PLEKHA1: variants seen among roughly 807,000 people sequenced by gnomAD.
The protein encoded by PLEKHA1 is pleckstrin homology domain-containing family A member 1.
PLEKHA1 carries 34 observed loss-of-function variants against 52.0 expected under a neutral mutation model. That is an observed-to-expected ratio of 0.65 (90% CI 0.50 to 0.87). The LOEUF (loss-of-function observed/expected upper bound fraction) is 0.87. Ranked by LOEUF, PLEKHA1 falls within the 40% of genes least tolerant of loss-of-function variation. The pLI is 0.00. For synonymous variants in PLEKHA1, 163 were observed against 170.7 expected, an observed-to-expected ratio of 0.95 and a Z score of 0.35; for missense variants, 497 against 504.2, an observed-to-expected ratio of 0.99 and a Z score of 0.14.
chr10:122,391,985 G>A (rs1229699853), intron 1 of PLEKHA1, among the ~76,000 whole-genome samples: 9 of 152,070 alleles, frequency 5.9e-5, no homozygotes, highest in African/African-American at 2.2e-4. Context: ...TAAATAAATA[G>A]TTATGTAAAT....
chr10:122,440,835 T>A, the PLEKHA1 span: 1 of 152,220 alleles, frequency 6.6e-6, no homozygotes, highest in Non-Finnish European at 1.5e-5. Flanking sequence ...AAACGAATTC[T>A]AGTAGTAATG....
At chr10:122,400,307 G>C (rs968420602) in intron 3 of PLEKHA1, 36 bp from the exon 4 acceptor site, 3 of 1,573,518 alleles carry the variant, frequency 1.9e-6, no homozygotes, top group Non-Finnish European at 1.7e-6. Context: ...GGATTATATG[G>C]AGAAGTGAGG....
Position 122,417,978 on chromosome 10 carries a change from T to TA in PLEKHA1, c.681+11dup, listed in dbSNP as rs1197100218. ...CTTCAAATCTGAACTGGTATGTTGT[T>TA]ACGTCATAAATGTTGCTATAAGAAT... On this transcript the variant is annotated intron_variant, in intron 8 of 11. Coordinates refer to ENST00000368990, the MANE Select transcript of PLEKHA1 (RefSeq NM_001001974.4). The TA allele has an allele frequency of 1.3e-6, 2 of 1,594,542 alleles. No homozygotes were observed. Among genetic ancestry groups the TA allele is most frequent in the African/African-American group, 1.3e-5 (1 of 74,488 alleles).
chr10:122,384,633 TGTA>T (rs2096663140), intron 1 of PLEKHA1, among the ~76,000 whole-genome samples: 2 of 149,146 alleles, frequency 1.3e-5, no homozygotes, highest in African/African-American at 5.0e-5. Flanking sequence ...AAAAATGACT[TGTA>T]GTCATTTATA....
intron 4 of PLEKHA1, among the ~76,000 whole-genome samples, chr10:122,401,649 T>C (rs1323382383): frequency 6.6e-6 from 1 of 152,128 alleles, no homozygotes; most frequent in Non-Finnish European, 1.5e-5. Context: ...AATCGAGGAC[T>C]GGATGGAGCT....
intron 4 of PLEKHA1, among the ~76,000 whole-genome samples, chr10:122,401,683 C>T (rs1020970228): frequency 2.6e-5 from 4 of 152,070 alleles, no homozygotes; most frequent in African/African-American, 4.8e-5. Context: ...TGGAGAAATT[C>T]GGAGTCTGTT....
At chr10:122,391,410 A>T (rs966191572) in intron 1 of PLEKHA1, among the ~76,000 whole-genome samples, 43 of 152,158 alleles carry the variant, frequency 2.8e-4, no homozygotes, top group African/African-American at 1.0e-3. Context: ...TTTAGCTCTT[A>T]AATTGTTAAT....
At chr10:122,389,785 G>A (rs553363510) in intron 1 of PLEKHA1, among the ~76,000 whole-genome samples, 2 of 152,172 alleles carry the variant, frequency 1.3e-5, no homozygotes, top group South Asian at 2.1e-4. Context: ...CATTTTTAGA[G>A]TACAGGCAGA....
At chr10:122,418,199 A>T (rs919336761) in intron 8 of PLEKHA1, 3 of 403,894 alleles carry the variant, frequency 7.4e-6, no homozygotes, top group Non-Finnish European at 1.3e-5. Context: ...AAAGATCTGA[A>T]GATCTCAGAA....
At chr10:122,425,006 A>T in intron 10 of PLEKHA1, 47 bp downstream of exon 10, 1 of 1,502,230 alleles carries the variant, frequency 6.7e-7, no homozygotes, top group African/African-American at 1.4e-5. Flanking sequence ...AAAAGAAATT[A>T]ATAATATTAG....
At position 122,429,614 on chromosome 10, in the gene PLEKHA1, C is replaced by G. The variant is rs1194334802; in HGVS notation, c.901-10C>G. 6.2e-6 allele frequency: 10 copies of G among 1,611,106 alleles called. No individual in the cohort carries two copies. In the East Asian group the frequency reaches 1.8e-4, roughly 29 times the overall value. ...GACTGACCGTGTCTGACTGCCACTCCTTTTTGCAGGAGCATCCCCCCGGTC... is the reference window on the plus strand; with the variant it reads ...GACTGACCGTGTCTGACTGCCACTCGTTTTTGCAGGAGCATCCCCCCGGTC... On this transcript the variant is annotated splice_polypyrimidine_tract_variant and intron_variant, in intron 11 of 11. Coordinates refer to ENST00000368990, the MANE Select transcript of PLEKHA1 (RefSeq NM_001001974.4).
rs1023019536 is a variant in PLEKHA1 at position 122,393,286 on chromosome 10, A to G, written c.86A>G (p.Tyr29Cys). ...NENSGKFLRR[Y>C]FILDTREDSF... Reference sequence around the variant, plus strand: ...AACAGTGGGAAATTTCTTCGAAGGTACTTCATACTGGATACCAGAGAAGAT... The same window carrying G: ...AACAGTGGGAAATTTCTTCGAAGGTGCTTCATACTGGATACCAGAGAAGAT... Residue 29 changes from tyrosine (Y) to cysteine (C), a missense_variant, in exon 2 of 12, where the codon TAC (tyrosine) becomes TGC (cysteine). Transcript: ENST00000368990. The surrounding 1 kb of genome is among the most constrained non-coding windows in gnomAD (Gnocchi z 4.5). 6.2e-7 allele frequency: 1 copy of G among 1,613,182 alleles called. No individual in the cohort carries two copies. Among genetic ancestry groups the G allele is most frequent in the Non-Finnish European group, 8.5e-7 (1 of 1,179,566 alleles).
intron 1 of PLEKHA1, among the ~76,000 whole-genome samples, chr10:122,381,893 T>C (rs866313732): frequency 6.6e-6 from 1 of 152,118 alleles, no homozygotes; most frequent in African/African-American, 2.4e-5. Flanking sequence ...GTTGTATACA[T>C]GGGTCTGGAG....
Position 122,412,944 on chromosome 10 carries a change from C to G in PLEKHA1, c.367C>G (p.Pro123Ala). The change falls in exon 6 of 12, where the codon CCT (proline) becomes GCT (alanine). Residue 123 changes from proline to alanine, a missense_variant. Coordinates refer to ENST00000368990, the MANE Select transcript of PLEKHA1 (RefSeq NM_001001974.4). ...ITVPKQSDSQ[P>A]NSDNLSRHGE... ...GGTACCAAAGCAGTCAGACTCACAG[C>G]CTAATTCTGATAACCTAAGTCGCCA... 6.2e-7 allele frequency: 1 copy of G among 1,613,276 alleles called. No homozygotes were observed. The highest frequency in any genetic ancestry group is 8.5e-7 in the Non-Finnish European group (1 of 1,179,492).
At chr10:122,402,258 G>A (rs920121230) in intron 4 of PLEKHA1, among the ~76,000 whole-genome samples, 9 of 152,122 alleles carry the variant, frequency 5.9e-5, no homozygotes, top group Admixed American at 2.0e-4. Context: ...AAGATTAGTC[G>A]TTCATTGGTC....
At chr10:122,383,237 C>T (rs1424204772) in intron 1 of PLEKHA1, among the ~76,000 whole-genome samples, 1 of 151,984 alleles carries the variant, frequency 6.6e-6, no homozygotes, top group Non-Finnish European at 1.5e-5. Context: ...ATTCCCTTCT[C>T]TAAAAATTAT....
At chr10:122,382,966 G>A (rs1176999892) in intron 1 of PLEKHA1, among the ~76,000 whole-genome samples, 4 of 152,036 alleles carry the variant, frequency 2.6e-5, no homozygotes, top group African/African-American at 7.2e-5. Context: ...CACCCAGTAG[G>A]GTTTTACCAT....
rs755492461 is a variant in PLEKHA1 at position 122,401,219 on chromosome 10, A to G, written c.244+831A>G. 8.7e-4 allele frequency among the ~76,000 whole-genome samples: 133 copies of G among 152,248 alleles called. 1 individual carries two copies. Among genetic ancestry groups the G allele is most frequent in the Non-Finnish European group, 1.6e-3 (107 of 68,038 alleles). The stretch of plus-strand genomic sequence containing the variant: ...GCTAGAGAGTAAAAAGGCAGGCAGA[A>G]GCCAGGGTGCTGTGTTTTGACGAGC... On this transcript the variant is annotated intron_variant, in intron 4 of 11. Coordinates refer to ENST00000368990, the MANE Select transcript of PLEKHA1 (RefSeq NM_001001974.4).
chr10:122,437,715 C>G, the PLEKHA1 span: 1 of 152,174 alleles, frequency 6.6e-6, no homozygotes, highest in African/African-American at 2.4e-5. Flanking sequence ...TCTTAGAAGC[C>G]AAGTGAAGAA....
Sources: allele counts gnomAD v4.1 joint callset (sites outside exome capture counted in the v4.1 genomes callset), GRCh38; gene constraint gnomAD v4.1.1; non-coding constraint Gnocchi (gnomAD v3.1); transcripts MANE v1.5; gene names NCBI Gene and HGNC (gene_info 2026-07-23, HGNC 2026-07-21).